ZNF354A: variants seen among roughly 807,000 people sequenced by gnomAD.
ZNF354A encodes epididymis luminal protein 104.
A neutral mutation model predicts 53.3 loss-of-function variants in ZNF354A; 25 were observed. The ratio of observed to expected loss-of-function variants is 0.47; its 90% CI spans 0.34 to 0.66. The LOEUF (loss-of-function observed/expected upper bound fraction) is 0.66, where lower values mean the gene tolerates loss of function less well. Among genes scored for constraint, ZNF354A ranks in the 30% least tolerant of loss-of-function variants. ZNF354A has a pLI of 0.01. For synonymous variants in ZNF354A, 228 were observed against 249.0 expected (o/e 0.92, Z 0.79); for missense variants, 586 against 716.8 (o/e 0.82, Z 2.08).
chr5:178,729,260 G>A, intron 1 of ZNF354A, 187 bp from the exon 2 acceptor site: 2 of 604,826 alleles, frequency 3.3e-6, no homozygotes, highest in Non-Finnish European at 5.9e-6. Flanking sequence ...ACAGGCTTGG[G>A]GCTTACGGAG....
rs1273334680 is a variant in ZNF354A at position 178,712,736 on chromosome 5, G to T, written c.1142C>A (p.Pro381His). The T allele has an allele frequency of 6.2e-7, 1 of 1,613,778 alleles. No individual in the cohort carries two copies. The highest frequency in any genetic ancestry group is 8.5e-7 in the Non-Finnish European group (1 of 1,179,740). ...TCTCCCACATTCACTACATTTAAAA[G>T]GCTTCTCTCCAGTGTGAATTCTCTG... The part of the protein sequence containing the change: ...YHQRIHTGEK[P>H]FKCSECGRAF... Residue 381 changes from proline (P) to histidine (H), a missense_variant, in exon 5 of 5, where the codon CCT becomes CAT. By Grantham distance (77) the Pro-to-His change is moderately conservative (BLOSUM62 -2). Around this residue, in one of 2 missense-constraint regions of ZNF354A, gnomAD observed 573 missense variants for 680.1 expected, o/e 0.84. Transcript: ENST00000335815.
intron 4 of ZNF354A, among the ~76,000 whole-genome samples, chr5:178,714,536 T>G (rs1462338066): frequency 6.6e-6 from 1 of 152,174 alleles, no homozygotes; most frequent in Non-Finnish European, 1.5e-5. Context: ...TCTGTATGTA[T>G]CTCACTTTCC....
chr5:178,712,114 G>A lies in ZNF354A; in HGVS notation c.1764C>T (p.Asn588=), dbSNP rs761352257. ...AATGATTAGTAAGGGATGACCTATG[G>A]TTGAAAAGTTTCCCACATGTATTAC... ...YECNTCGKLF[N]HRSSLTNHYK... The change falls in exon 5 of 5, where the codon AAC becomes AAT. Residue 588 remains asparagine (N), a synonymous_variant. Coordinates refer to ENST00000335815, the MANE Select transcript of ZNF354A (RefSeq NM_005649.3). 5.0e-6 allele frequency: 8 copies of A among 1,613,074 alleles called. No individual in the cohort carries two copies. The highest frequency in any genetic ancestry group is 6.8e-6 in the Non-Finnish European group (8 of 1,179,364).
chr5:178,730,275 G>T (rs1040972144), intron 1 of ZNF354A, among the ~76,000 whole-genome samples: 1 of 152,138 alleles, frequency 6.6e-6, no homozygotes, highest in Admixed American at 6.5e-5. Context: ...TGCCCTCGGG[G>T]TCCCGGTGCC....
intron 4 of ZNF354A, among the ~76,000 whole-genome samples, chr5:178,715,590 C>G (rs1219868358): frequency 6.6e-6 from 1 of 152,106 alleles, no homozygotes; most frequent in Non-Finnish European, 1.5e-5. Flanking sequence ...ATGGAGGGGG[C>G]AGTGGCAAAA....
At position 178,724,379 on chromosome 5, in the gene ZNF354A, C is replaced by T. The variant is rs370238945; in HGVS notation, c.256+997G>A. Among the ~76,000 whole-genome samples, 18 of 152,212 alleles carry T rather than the reference C, an allele frequency of 1.2e-4. No individual in the cohort carries two copies. In the East Asian group the frequency reaches 2.9e-3, roughly 25 times the overall value. On this transcript the variant is annotated intron_variant, in intron 4 of 4. Transcript: ENST00000335815. ...AGCTGGGATTACAGGCCTGCCCCAC[C>T]ACGCTTGGCTAATTTTTGTATTTTT...
chr5:178,713,588 G>C lies in ZNF354A; in HGVS notation c.290C>G (p.Thr97Arg). The C allele has an allele frequency of 6.3e-7, 1 of 1,574,836 alleles. No homozygotes were observed. The highest frequency in any genetic ancestry group is 1.2e-5 in the South Asian group (1 of 85,148). ...CTGAAATGAAGAGTCTTGTGTTTGC[G>C]TTGACTTTGTGGTTTTATGACTGCT... The part of the protein sequence containing the change: ...SKSSHKTTKS[T>R]QTQDSSFQGL... Residue 97 changes from threonine (T) to arginine (R), a missense_variant, in exon 5 of 5, where the codon ACG becomes AGG. By Grantham distance (71) the Thr-to-Arg change is moderately conservative (BLOSUM62 -1). Coordinates refer to ENST00000335815, the MANE Select transcript of ZNF354A (RefSeq NM_005649.3).
At chr5:178,713,885 A>G (rs1357347057) in intron 4 of ZNF354A, among the ~76,000 whole-genome samples, 1 of 152,182 alleles carries the variant, frequency 6.6e-6, no homozygotes, top group Admixed American at 6.5e-5. Context: ...AGAATTGGCT[A>G]ATGAAGAACA....
intron 1 of ZNF354A, chr5:178,729,467 C>A: frequency 5.2e-6 from 1 of 193,192 alleles, no homozygotes; most frequent in Non-Finnish European, 1.1e-5. Context: ...CACGACGGCC[C>A]CGGGACGACT....
intron 4 of ZNF354A, among the ~76,000 whole-genome samples, chr5:178,724,261 G>A (rs1346766168): frequency 6.7e-6 from 1 of 148,972 alleles, no homozygotes; most frequent in Non-Finnish European, 1.5e-5. Context: ...GTCTCACTCT[G>A]TCGCCAAGGC....
chr5:178,725,717 A>G (rs1413457183), intron 3 of ZNF354A, among the ~76,000 whole-genome samples: 1 of 152,218 alleles, frequency 6.6e-6, no homozygotes, highest in Non-Finnish European at 1.5e-5. Context: ...CAGTATTGGT[A>G]ATAGGATACC....
intron 4 of ZNF354A, among the ~76,000 whole-genome samples, chr5:178,714,970 T>TA (rs1331565415): frequency 1.3e-5 from 2 of 152,194 alleles, no homozygotes; most frequent in Non-Finnish European, 2.9e-5. Context: ...GAAGGCAGCC[T>TA]ACTCATGCAT....
chr5:178,720,310 A>C (rs1039395855), intron 4 of ZNF354A, among the ~76,000 whole-genome samples: 2 of 152,238 alleles, frequency 1.3e-5, no homozygotes, highest in Non-Finnish European at 2.9e-5. Context: ...CCTAACTTCC[A>C]GGACCTCAGA....
chr5:178,711,823 A>C lies in ZNF354A; in HGVS notation c.*237T>G, dbSNP rs905229864. On this transcript the variant is annotated 3_prime_UTR_variant, in exon 5 of 5. Transcript: ENST00000335815. ...GCAAACCCATTTCACAAATGGCTAA[A>C]GTCAATGTCTTCAATTGTAAATTCT... The C allele has an allele frequency of 7.1e-6, 3 of 423,726 alleles. No individual in the cohort carries two copies. 26.2% of individuals were successfully genotyped at this position (423,726 alleles called of 1,614,324 possible). A position where few individuals can be genotyped will look rare whatever the true frequency, so the allele number is the denominator to read the frequency against.
intron 4 of ZNF354A, among the ~76,000 whole-genome samples, chr5:178,723,470 TCTC>T (rs1379374610): frequency 2.0e-5 from 3 of 152,290 alleles, no homozygotes; most frequent in Non-Finnish European, 2.9e-5. Flanking sequence ...TGCTCCACCT[TCTC>T]CTCGCTGGCT....
rs79141572 is a variant in ZNF354A at position 178,719,987 on chromosome 5, A to G, written c.256+5389T>C. Among the ~76,000 whole-genome samples the G allele has an allele frequency of 3.6e-3, 548 of 152,280 alleles. 1 individual carries two copies. The highest frequency in any genetic ancestry group is 0.012 in the African/African-American group (508 of 41,550). ...TGTCACTTGCATTTGCAGTCTCACA[A>G]GGTTTTCTAGAGTCAGAGAACTCAA... On this transcript the variant is annotated intron_variant, in intron 4 of 4. Transcript: ENST00000335815.
At position 178,728,564 on chromosome 5, in the gene ZNF354A, T is replaced by G. The variant is rs1198954792; in HGVS notation, c.33+426A>C. 2.1e-4 allele frequency among the ~76,000 whole-genome samples: 32 copies of G among 149,230 alleles called. 1 individual carries two copies. The South Asian group carries it at 6.6e-3, about 31-fold the overall frequency. ...CAGCACTTTGGGAGGCTGAGGCGGG[T>G]GGATCACCTGAGGTCAGGAGTTTGA... On this transcript the variant is annotated intron_variant, in intron 2 of 4. Transcript: ENST00000335815.
chr5:178,718,220 T>C (rs1000953408), intron 4 of ZNF354A, among the ~76,000 whole-genome samples: 3 of 152,222 alleles, frequency 2.0e-5, no homozygotes, highest in African/African-American at 7.2e-5. Flanking sequence ...ATGATCTGTT[T>C]AGAACTTTCT....
At chr5:178,725,264 A>G in intron 4 of ZNF354A, 112 bp downstream of exon 4, 1 of 1,024,704 alleles carries the variant, frequency 9.8e-7, no homozygotes, top group Non-Finnish European at 1.5e-6. Flanking sequence ...CTTCCCCATC[A>G]CTTCTTGAGG....
Sources: gnomAD v4.1 joint callset for allele counts (sites outside exome capture counted in the v4.1 genomes callset) on GRCh38, gnomAD v4.1.1 for gene constraint, gnomAD v4.1.1 regional missense constraint, MANE v1.5 for transcripts, NCBI Gene and HGNC (gene_info 2026-07-23, HGNC 2026-07-21) for gene names.